The following DAB2IP variants were observed in gnomAD, a reference collection of about 807,000 sequenced individuals.
The protein encoded by DAB2IP is disabled homolog 2-interacting protein.
A neutral mutation model predicts 107.2 loss-of-function variants in DAB2IP; 28 were observed. That is an observed-to-expected ratio of 0.26 (90% CI 0.19 to 0.36). The LOEUF is 0.36. Ranked by LOEUF, DAB2IP falls within the 10% of genes least tolerant of loss-of-function variation. The pLI is 1.00. For missense variants in DAB2IP, 1,400 were observed against 1,644.7 expected, an observed-to-expected ratio of 0.85 and a Z score of 2.57; for synonymous variants, 755 against 706.4, an observed-to-expected ratio of 1.07 and a Z score of -1.09.
At chr9:121,608,245 A>G (rs1308784089) in intron 1 of DAB2IP, among the ~76,000 whole-genome samples, 2 of 152,132 alleles carry the variant, frequency 1.3e-5, no homozygotes, top group African/African-American at 4.8e-5. Flanking sequence ...CGCTTTATAA[A>G]TGAGCGTGTG....
At chr9:121,567,373 T>C in intron 1 of DAB2IP, 1 of 1,203,154 alleles carries the variant, frequency 8.3e-7, no homozygotes, top group South Asian at 1.4e-5. Context: ...TGGGTGGGCA[T>C]GGGTGCGTTG....
intron 1 of DAB2IP, among the ~76,000 whole-genome samples, chr9:121,568,528 C>A (rs1564676040): frequency 6.6e-6 from 1 of 152,174 alleles, no homozygotes; most frequent in Non-Finnish European, 1.5e-5. Flanking sequence ...ATAGGGAGAG[C>A]AGCCCTTGGC....
In DAB2IP at chr9:121,774,363, C is replaced by G. The variant is rs145340237; in HGVS notation, c.3071C>G (p.Pro1024Arg). The change falls in exon 13 of 16, where the codon CCC becomes CGC. Residue 1024 changes from proline (P) to arginine (R), a missense_variant. By Grantham distance (103) the Pro-to-Arg change is moderately radical. Transcript: ENST00000408936. ...GACGAGGGCCTGGGCCCAGACCCCC[C>G]CCACAGGGATAGGCTAAGGAGTAAG... The G allele has an allele frequency of 1.1e-4, 179 of 1,612,884 alleles. No homozygotes were observed. The highest frequency in any genetic ancestry group is 1.3e-4 in the Non-Finnish European group (154 of 1,179,646).
exon 16 of DAB2IP, chr9:121,783,239 T>C: frequency 8.0e-7 from 1 of 1,254,014 alleles, no homozygotes; most frequent in Non-Finnish European, 1.0e-6. Flanking sequence ...TTGTGAGCTC[T>C]TGTCCCTGTG....
chr9:121,607,093 G>A (rs747778221), intron 1 of DAB2IP, among the ~76,000 whole-genome samples: 7 of 152,080 alleles, frequency 4.6e-5, no homozygotes, highest in African/African-American at 9.7e-5. Flanking sequence ...TCTTATGAAC[G>A]TAGAGAACAC....
chr9:121,584,195 A>C (rs983896297), intron 1 of DAB2IP, among the ~76,000 whole-genome samples: 4 of 152,080 alleles, frequency 2.6e-5, no homozygotes, highest in African/African-American at 9.7e-5. Context: ...TAAATAAATA[A>C]AAACTTTTTT....
At chr9:121,571,615 G>A (rs1050164353) in intron 1 of DAB2IP, among the ~76,000 whole-genome samples, 4 of 152,126 alleles carry the variant, frequency 2.6e-5, no homozygotes, top group South Asian at 2.1e-4. Context: ...TGAGCAAAGC[G>A]CCTTTCGTCT....
chr9:121,724,270 A>T (rs1027169786), intron 3 of DAB2IP, among the ~76,000 whole-genome samples: 1 of 151,890 alleles, frequency 6.6e-6, no homozygotes, highest in African/African-American at 2.4e-5. Flanking sequence ...CTACCTTTCC[A>T]GTTGCACTTC....
intron 1 of DAB2IP, among the ~76,000 whole-genome samples, chr9:121,587,284 G>A (rs1009973074): frequency 3.3e-5 from 5 of 152,132 alleles, no homozygotes; most frequent in Admixed American, 6.6e-5. Flanking sequence ...GAAAAAACCC[G>A]GAGGCAGGGG....
chr9:121,660,236 T>G (rs746742486), intron 1 of DAB2IP, among the ~76,000 whole-genome samples: 28 of 152,182 alleles, frequency 1.8e-4, no homozygotes, highest in Non-Finnish European at 3.2e-4. Context: ...GCATCCTGCC[T>G]TAAATCATCA....
chr9:121,774,784 T>A (rs146815800), intron 13 of DAB2IP, among the ~76,000 whole-genome samples: 3 of 152,044 alleles, frequency 2.0e-5, no homozygotes, highest in South Asian at 2.1e-4. Flanking sequence ...GAAGCCCCCC[T>A]GAGGGAACTT....
exon 1 of DAB2IP, chr9:121,567,189 A>G (rs1589363409): frequency 1.9e-6 from 3 of 1,614,026 alleles, no homozygotes; most frequent in Non-Finnish European, 2.5e-6. Flanking sequence ...CCCACACGCC[A>G]TGGAGCCCGA....
intron 1 of DAB2IP, among the ~76,000 whole-genome samples, chr9:121,668,926 TTTTTTTG>T (rs1449633493): frequency 7.0e-6 from 1 of 142,896 alleles, no homozygotes; most frequent in Non-Finnish European, 1.6e-5. Flanking sequence ...TTTTTTTTTT[TTTTTTTG>T]GAGACAGAGC....
chr9:121,757,345 G>A lies in DAB2IP; in HGVS notation c.516+179G>A, dbSNP rs76550117. 8.0e-3 allele frequency among the ~76,000 whole-genome samples: 1,212 copies of A among 152,342 alleles called. 12 individuals are homozygous for A. Among genetic ancestry groups the A allele is most frequent in the African/African-American group, 0.023 (974 of 41,580 alleles). On this transcript the variant is annotated intron_variant, in intron 4 of 15. Transcript: ENST00000408936. ...TCCTAAGAGACCTGGTGGAGCTGGG[G>A]TGGAGGCTGTCCTTCCTACTCTCTA...
intron 3 of DAB2IP, among the ~76,000 whole-genome samples, chr9:121,717,183 A>G (rs1830651070): frequency 6.6e-6 from 1 of 152,208 alleles, no homozygotes; most frequent in South Asian, 2.1e-4. Context: ...ACCAACTTCC[A>G]CATCGGCTCA....
At chr9:121,574,960 C>T (rs1405452888) in intron 1 of DAB2IP, 2 of 152,274 alleles carry the variant, frequency 1.3e-5, no homozygotes, top group Admixed American at 6.5e-5. Flanking sequence ...TAGGTCATTT[C>T]CACACACAAG....
At chr9:121,774,487 A>G in intron 13 of DAB2IP, 75 bp downstream of exon 13, 1 of 1,465,016 alleles carries the variant, frequency 6.8e-7, no homozygotes, top group Non-Finnish European at 9.0e-7. Flanking sequence ...TCTCTCCCCC[A>G]GGTCCCCCAG....
At chr9:121,716,612 C>T (rs1007040974) in intron 3 of DAB2IP, among the ~76,000 whole-genome samples, 4 of 152,184 alleles carry the variant, frequency 2.6e-5, no homozygotes, top group South Asian at 2.1e-4. Context: ...GATCCATCCC[C>T]GTCCCAGCAC....
At chr9:121,581,472 G>A (rs1830193296) in intron 1 of DAB2IP, among the ~76,000 whole-genome samples, 1 of 152,230 alleles carries the variant, frequency 6.6e-6, no homozygotes, top group African/African-American at 2.4e-5. Context: ...AAAGAGAAGG[G>A]AAGGTGCATG....
Sources: allele counts gnomAD v4.1 joint callset (sites outside exome capture counted in the v4.1 genomes callset), GRCh38; gene constraint gnomAD v4.1.1; transcripts MANE v1.5; gene names NCBI Gene and HGNC (gene_info 2026-07-23, HGNC 2026-07-21).